The following PHOSPHO2 variants were observed in gnomAD, a reference collection of about 807,000 sequenced individuals.
The protein encoded by PHOSPHO2 is pyridoxal phosphate phosphatase PHOSPHO2.
PHOSPHO2 carries 14 observed loss-of-function variants against 16.4 expected under a neutral mutation model. The observed-to-expected ratio is 0.85, with a 90% CI of 0.56 to 1.33. The LOEUF (loss-of-function observed/expected upper bound fraction) is 1.33. Among genes scored for constraint, PHOSPHO2 ranks in the 40% most tolerant of loss-of-function variants. The pLI is 0.00. For missense variants in PHOSPHO2, 246 were observed against 282.5 expected, an observed-to-expected ratio of 0.87 and a Z score of 0.93; for synonymous variants, 85 against 90.5, an observed-to-expected ratio of 0.94 and a Z score of 0.34.
At chr2:169,697,039 G>A (rs1360734373) in intron 2 of PHOSPHO2, among the ~76,000 whole-genome samples, 3 of 141,098 alleles carry the variant, frequency 2.1e-5, no homozygotes, top group South Asian at 2.2e-4. Context: ...TTTTTGACAC[G>A]GAGTCTCGCT....
intron 3 of PHOSPHO2, among the ~76,000 whole-genome samples, chr2:169,700,442 A>G (rs1687712562): frequency 6.6e-6 from 1 of 152,140 alleles, no homozygotes; most frequent in Admixed American, 6.5e-5. Flanking sequence ...TTTATTAAAT[A>G]GGGAATCCTT....
chr2:169,697,841 T>G (rs1359068040), intron 3 of PHOSPHO2: 1 of 152,220 alleles, frequency 6.6e-6, no homozygotes, highest in Non-Finnish European at 1.5e-5. Context: ...TTATGCCTTA[T>G]TATTTATTAC....
rs549014744 is a variant in PHOSPHO2, at chr2:169,701,037, T to A, written c.66T>A (p.Ile22=). 42 of 1,613,600 alleles carry A rather than the reference T, an allele frequency of 2.6e-5. 1 individual carries two copies. In the South Asian group the frequency reaches 4.5e-4, roughly 17 times the overall value. ...TIIDDNSDTW[I]VQCAPNKKLP... ...TAGATGACAATAGTGACACTTGGAT[T>A]GTACAATGTGCTCCCAACAAAAAGC... Residue 22 remains isoleucine, a synonymous_variant, in exon 4 of 4, where the codon ATT becomes ATA. Coordinates refer to ENST00000359744, the MANE Select transcript of PHOSPHO2 (RefSeq NM_001008489.4).
Position 169,701,590 on chromosome 2 carries a change from ACT to A in PHOSPHO2, c.622_623del (p.Leu208PhefsTer8). 7 of 1,609,928 alleles carry A rather than the reference ACT, an allele frequency of 4.3e-6. No individual in the cohort carries two copies. Among genetic ancestry groups the A allele is most frequent in the Non-Finnish European group, 5.1e-6 (6 of 1,179,702 alleles). ...ACGGAAAGGATATACCTTACAGAAA[ACT>A]CTTTCCAGAATGTCTCAAAATCTTG... is the stretch of plus-strand genomic sequence containing the variant. ...MPRKGYTLQK[T>X]LSRMSQNLEP... On this transcript the variant is annotated frameshift_variant, in exon 4 of 4. Transcript: ENST00000359744. LOFTEE classifies it high-confidence loss of function.
chr2:169,699,936 C>T (rs1687689084), intron 3 of PHOSPHO2, among the ~76,000 whole-genome samples: 1 of 151,988 alleles, frequency 6.6e-6, no homozygotes, highest in Non-Finnish European at 1.5e-5. Flanking sequence ...TGATTCTTAT[C>T]AAAAAGGATT....
rs1031084534 is a variant in PHOSPHO2, at chr2:169,701,533, A to G, written c.562A>G (p.Thr188Ala). ...GDGGNDVCPV[T>A]FLKNDDVAMP... is the part of the protein sequence containing the mutation. ...TGGTGGAAATGATGTCTGTCCAGTC[A>G]CCTTTTTAAAGAATGATGATGTTGC... The change falls in exon 4 of 4, where the codon ACC becomes GCC. Residue 188 changes from threonine (T) to alanine (A), a missense_variant. Coordinates refer to ENST00000359744, the MANE Select transcript of PHOSPHO2 (RefSeq NM_001008489.4). 1 of 1,613,566 alleles carries G rather than the reference A, an allele frequency of 6.2e-7. No homozygotes were observed. Among genetic ancestry groups the G allele is most frequent in the Non-Finnish European group, 8.5e-7 (1 of 1,179,974 alleles).
Position 169,701,185 on chromosome 2 carries a change from T to C in PHOSPHO2, c.214T>C (p.Leu72=). 6.2e-7 allele frequency: 1 copy of C among 1,614,026 alleles called. No individual in the cohort carries two copies. The highest frequency in any genetic ancestry group is 1.1e-5 in the South Asian group (1 of 91,066). ...TGAAATGAAAAGAGCAGTGACATCA[T>C]TGCCTTTCACTCCAGGGATGGTGGA... ...EHEMKRAVTS[L]PFTPGMVELF... The change falls in exon 4 of 4, where the codon TTG becomes CTG. Residue 72 remains leucine (L), a synonymous_variant. Transcript: ENST00000359744.
intron 3 of PHOSPHO2, among the ~76,000 whole-genome samples, chr2:169,700,634 TTTGA>T (rs1687718671): frequency 6.6e-6 from 1 of 152,046 alleles, no homozygotes; most frequent in Admixed American, 6.6e-5. Flanking sequence ...ATAAGTGTGG[TTTGA>T]TTGATAATTT....
At chr2:169,697,781 G>A (rs968424960) in intron 3 of PHOSPHO2, 1 of 152,158 alleles carries the variant, frequency 6.6e-6, no homozygotes, top group African/African-American at 2.4e-5. Context: ...TTCTCAAAAA[G>A]CATATTTAAT....
chr2:169,694,560 G>T lies in PHOSPHO2; in HGVS notation c.-293G>T. 1.7e-6 allele frequency: 1 copy of T among 594,834 alleles called. No homozygotes were observed. The highest frequency in any genetic ancestry group is 3.0e-6 in the Non-Finnish European group (1 of 333,220). 36.8% of individuals were successfully genotyped at this position (594,834 alleles called of 1,614,324 possible). On this transcript the variant is annotated 5_prime_UTR_variant, in exon 1 of 4. Coordinates refer to ENST00000359744, the MANE Select transcript of PHOSPHO2 (RefSeq NM_001008489.4). ...GCCGAGAGGGCAGGCGTGGGGCGAGGCCAAAGGACTGAACCCGCAGGAGCG... is the reference window on the plus strand; with the variant it reads ...GCCGAGAGGGCAGGCGTGGGGCGAGTCCAAAGGACTGAACCCGCAGGAGCG...
At chr2:169,694,655 C>T (rs1239025274) in intron 1 of PHOSPHO2, 33 bp downstream of exon 1, 2 of 448,236 alleles carry the variant, frequency 4.5e-6, no homozygotes, top group African/African-American at 4.0e-5. Flanking sequence ...CCCGCCCTGC[C>T]TGCTACTCCC....
rs1263983208 is a variant in PHOSPHO2, at chr2:169,701,427, C to T, written c.456C>T (p.Cys152=). Residue 152 remains cysteine (C), a synonymous_variant, in exon 4 of 4, where the codon TGC becomes TGT. Coordinates refer to ENST00000359744, the MANE Select transcript of PHOSPHO2 (RefSeq NM_001008489.4). ...HSCNRCPKNL[C]KKVVLIEFVD... Reference sequence around the variant, plus strand: ...GCAATAGATGCCCAAAGAATCTTTGCAAAAAGGTAGTTTTGATAGAATTTG... The same window carrying T: ...GCAATAGATGCCCAAAGAATCTTTGTAAAAAGGTAGTTTTGATAGAATTTG... 3.7e-6 allele frequency: 6 copies of T among 1,611,018 alleles called. No homozygotes were observed. The highest frequency in any genetic ancestry group is 4.2e-6 in the Non-Finnish European group (5 of 1,179,242).
Position 169,701,576 on chromosome 2 carries a change from A to G in PHOSPHO2, c.605A>G (p.Tyr202Cys), listed in dbSNP as rs1478781213. The change falls in exon 4 of 4, where the codon TAT becomes TGT. Residue 202 changes from tyrosine (Y) to cysteine (C), a missense_variant. Physicochemically the swap from Tyr to Cys is radical, Grantham distance 194. Coordinates refer to ENST00000359744, the MANE Select transcript of PHOSPHO2 (RefSeq NM_001008489.4). The stretch of plus-strand genomic sequence containing the variant: ...GATGTTGCCATGCCACGGAAAGGAT[A>G]TACCTTACAGAAAACTCTTTCCAGA... ...NDDVAMPRKG[Y>C]TLQKTLSRMS... The G allele has an allele frequency of 6.2e-7, 1 of 1,612,068 alleles. No homozygotes were observed. The highest frequency in any genetic ancestry group is 8.5e-7 in the Non-Finnish European group (1 of 1,179,976).
At position 169,700,685 on chromosome 2, in the gene PHOSPHO2, A is replaced by C. The variant is rs1687720162; in HGVS notation, c.-26-261A>C. Among the ~76,000 whole-genome samples, 7 of 152,140 alleles carry C rather than the reference A, an allele frequency of 4.6e-5. No individual in the cohort carries two copies. In the South Asian group the frequency reaches 1.4e-3, roughly 32 times the overall value. ...GAAATGCTTTTTTTTCTTTCTTATAAATTCTATAAGAAACACACCTCCAGG... is the reference window on the plus strand; with the variant it reads ...GAAATGCTTTTTTTTCTTTCTTATACATTCTATAAGAAACACACCTCCAGG... On this transcript the variant is annotated intron_variant, in intron 3 of 3. Transcript: ENST00000359744.
intron 3 of PHOSPHO2, among the ~76,000 whole-genome samples, chr2:169,699,212 C>T (rs943541168): frequency 6.7e-6 from 1 of 148,614 alleles, no homozygotes; most frequent in Non-Finnish European, 1.5e-5. Flanking sequence ...TATGTTATTC[C>T]CTTCCACGTG....
chr2:169,696,912 C>T (rs996001910), intron 2 of PHOSPHO2, among the ~76,000 whole-genome samples: 9 of 152,138 alleles, frequency 5.9e-5, no homozygotes, highest in East Asian at 3.9e-4. Flanking sequence ...TTCTTATTTT[C>T]GACACCAAGT....
chr2:169,700,848 CT>C (rs1184411423), intron 3 of PHOSPHO2, 97 bp from the exon 4 acceptor site: 2 of 1,220,604 alleles, frequency 1.6e-6, no homozygotes, highest in Non-Finnish European at 1.1e-6. Context: ...ATATTCCTCC[CT>C]TTAGCAGATT....
chr2:169,696,850 C>G (rs1054551548), intron 2 of PHOSPHO2, among the ~76,000 whole-genome samples: 1 of 152,144 alleles, frequency 6.6e-6, no homozygotes, highest in Non-Finnish European at 1.5e-5. Context: ...AAATCTCAAT[C>G]AGCTTAACAC....
chr2:169,696,133 A>G (rs1350900450), intron 2 of PHOSPHO2, among the ~76,000 whole-genome samples: 1 of 152,222 alleles, frequency 6.6e-6, no homozygotes, highest in Non-Finnish European at 1.5e-5. Flanking sequence ...CATGGTGGTC[A>G]GATATAATTT....
Sources: allele counts gnomAD v4.1 joint callset (sites outside exome capture counted in the v4.1 genomes callset), GRCh38; gene constraint gnomAD v4.1.1; transcripts MANE v1.5; gene names NCBI Gene and HGNC (gene_info 2026-07-23, HGNC 2026-07-21).